ARIH2: variants seen among roughly 807,000 people sequenced by gnomAD.
ARIH2 encodes the protein ariadne RBR E3 ubiquitin protein ligase 2.
In ARIH2, 12 loss-of-function variants were observed where a neutral mutation model predicts 79.8. The ratio of observed to expected loss-of-function variants is 0.15; its 90% CI spans 0.10 to 0.24. The LOEUF is 0.24. Ranked by LOEUF, ARIH2 falls within the 10% of genes least tolerant of loss-of-function variation. The pLI, the probability that ARIH2 is intolerant of heterozygous loss-of-function variation, is 1.00. For synonymous variants in ARIH2, 224 were observed against 213.9 expected (o/e 1.05, Z -0.41); for missense variants, 301 against 618.3 (o/e 0.49, Z 5.44).
At chr3:48,975,793 C>T (rs1363312466) in intron 11 of ARIH2, among the ~76,000 whole-genome samples, 1 of 152,128 alleles carries the variant, frequency 6.6e-6, no homozygotes, top group Non-Finnish European at 1.5e-5. Flanking sequence ...GAACTCCTGA[C>T]CTCAGGTGAT....
At chr3:48,982,460 T>A (rs1576580444) in intron 14 of ARIH2, among the ~76,000 whole-genome samples, 1 of 152,344 alleles carries the variant, frequency 6.6e-6, no homozygotes, top group Non-Finnish European at 1.5e-5. Context: ...TGCATAAAGC[T>A]GTATATCTTC....
At chr3:48,961,801 T>C in intron 4 of ARIH2, 122 bp downstream of exon 4, 1 of 626,916 alleles carries the variant, frequency 1.6e-6, no homozygotes. Flanking sequence ...TTTTAAAACA[T>C]TGGATTCTAT....
intron 3 of ARIH2, among the ~76,000 whole-genome samples, chr3:48,929,332 C>G (rs1405581329): frequency 2.0e-5 from 3 of 150,556 alleles, no homozygotes; most frequent in African/African-American, 7.3e-5. Flanking sequence ...TCCGTCCGTC[C>G]TTCCTTCCTT....
chr3:48,964,453 C>T (rs1488914964), intron 4 of ARIH2, among the ~76,000 whole-genome samples: 1 of 151,724 alleles, frequency 6.6e-6, no homozygotes, highest in Non-Finnish European at 1.5e-5. Context: ...GTAGCTGGGA[C>T]TATAGGCACG....
chr3:48,923,523 GTT>G (rs772701634), intron 2 of ARIH2, among the ~76,000 whole-genome samples: 6 of 139,036 alleles, frequency 4.3e-5, no homozygotes, highest in Admixed American at 7.3e-5. Context: ...TATAGTGAGT[GTT>G]TTTTTTTTTT....
intron 3 of ARIH2, among the ~76,000 whole-genome samples, chr3:48,929,095 A>G (rs2086026306): frequency 1.3e-5 from 2 of 152,212 alleles, no homozygotes. Flanking sequence ...CAGGTTATAT[A>G]CAATGTTGGT....
At chr3:48,967,047 C>A in intron 5 of ARIH2, 78 bp from the exon 6 acceptor site, 1 of 1,471,962 alleles carries the variant, frequency 6.8e-7, no homozygotes, top group Non-Finnish European at 9.3e-7. Flanking sequence ...ACTTTCCATG[C>A]ACCCGGCTGC....
chr3:48,931,602 A>AT (rs1472522199), intron 3 of ARIH2, among the ~76,000 whole-genome samples: 1 of 151,544 alleles, frequency 6.6e-6, no homozygotes, highest in Admixed American at 6.6e-5. Flanking sequence ...TGCAAAAAAA[A>AT]TTTTTTTTTA....
chr3:48,968,144 C>G, intron 6 of ARIH2: 1 of 176,336 alleles, frequency 5.7e-6, no homozygotes, highest in Non-Finnish European at 1.2e-5. Flanking sequence ...AAGCGATTCT[C>G]CTGCCTCAGC....
intron 3 of ARIH2, among the ~76,000 whole-genome samples, chr3:48,957,965 T>C (rs993621900): frequency 6.6e-6 from 1 of 152,092 alleles, no homozygotes; most frequent in African/African-American, 2.4e-5. Context: ...CCACCTGCCT[T>C]GGCCTCCCAA....
chr3:48,950,805 A>C (rs1316816794), intron 3 of ARIH2, among the ~76,000 whole-genome samples: 3 of 152,122 alleles, frequency 2.0e-5, no homozygotes, highest in Non-Finnish European at 4.4e-5. Flanking sequence ...ACAATTTCAG[A>C]TATATTAGGT....
intron 8 of ARIH2, among the ~76,000 whole-genome samples, chr3:48,972,471 A>T (rs1485395334): frequency 6.6e-6 from 1 of 151,990 alleles, no homozygotes; most frequent in Non-Finnish European, 1.5e-5. Flanking sequence ...TGGTGAAATC[A>T]TGTCTCTACT....
intron 8 of ARIH2, among the ~76,000 whole-genome samples, chr3:48,973,226 G>A (rs769336959): frequency 5.9e-5 from 9 of 152,152 alleles, no homozygotes; most frequent in Admixed American, 1.3e-4. Context: ...GGCAGATCTC[G>A]AGGTCAAGAG....
intron 15 of ARIH2, 32 bp from the exon 16 acceptor site, chr3:48,983,167 A>G: frequency 1.2e-6 from 2 of 1,613,266 alleles, no homozygotes; most frequent in Non-Finnish European, 1.7e-6. Context: ...GGCCTGGGCC[A>G]TGCAAGCACA....
At chr3:48,979,021 A>G (rs1178464953) in intron 11 of ARIH2, among the ~76,000 whole-genome samples, 2 of 152,034 alleles carry the variant, frequency 1.3e-5, no homozygotes. Context: ...AAAAAGGGGG[A>G]AAGCCTTTAT....
At chr3:48,924,246 C>A (rs1024805725) in intron 2 of ARIH2, among the ~76,000 whole-genome samples, 2 of 152,076 alleles carry the variant, frequency 1.3e-5, no homozygotes, top group Admixed American at 6.6e-5. Flanking sequence ...CCTCCAGCCT[C>A]AGCCTCCCAA....
chr3:48,939,757 CAAAA>C lies in ARIH2; in HGVS notation c.255+11960_255+11963del, dbSNP rs1190260583. ...TGGGTGACAGAGCAAGACTCCATCTCAAAAAAAAAAAAAAAAAAACAAAAACAAA... is the reference window on the plus strand; with the variant it reads ...TGGGTGACAGAGCAAGACTCCATCTCAAAAAAAAAAAAAAACAAAAACAAA... On this transcript the variant is annotated intron_variant, in intron 3 of 15. Coordinates refer to ENST00000356401, the MANE Select transcript of ARIH2 (RefSeq NM_006321.4). 2.1e-4 allele frequency among the ~76,000 whole-genome samples: 9 copies of C among 43,536 alleles called. No homozygotes were observed. The Admixed American group carries it at 2.2e-3, about 11-fold the overall frequency. The allele number at this position is 43,536 out of a possible 152,430, so 28.6% of individuals were successfully genotyped here.
intron 5 of ARIH2, among the ~76,000 whole-genome samples, chr3:48,966,366 A>C (rs2107578840): frequency 6.6e-6 from 1 of 152,248 alleles, no homozygotes; most frequent in South Asian, 2.1e-4. Context: ...TTGTAAGTGG[A>C]CTTTTCCATT....
chr3:48,961,278 A>G (rs957793797), intron 3 of ARIH2, among the ~76,000 whole-genome samples: 1 of 152,216 alleles, frequency 6.6e-6, no homozygotes, highest in Admixed American at 6.6e-5. Flanking sequence ...GGGAACATAT[A>G]TGACATGAAG....
Sources: allele counts gnomAD v4.1 joint callset (sites outside exome capture counted in the v4.1 genomes callset), GRCh38; gene constraint gnomAD v4.1.1; transcripts MANE v1.5; gene names NCBI Gene and HGNC (gene_info 2026-07-23, HGNC 2026-07-21).